Variants in TENM3 observed in about 807,000 individuals in gnomAD.
TENM3 encodes the protein teneurin-3.
In TENM3, 63 loss-of-function variants were observed where a neutral mutation model predicts 255.1. The ratio of observed to expected loss-of-function variants is 0.25; its 90% CI spans 0.20 to 0.30. The LOEUF (loss-of-function observed/expected upper bound fraction) is 0.30, where lower values mean the gene tolerates loss of function less well. TENM3 is among the 10% of genes least tolerant of loss of function. The probability of loss-of-function intolerance (pLI) is 1.00; values close to 1 mark genes in which losing one functional copy is unlikely to be tolerated. For synonymous variants in TENM3, 1,306 were observed against 1,322.3 expected, an observed-to-expected ratio of 0.99 and a Z score of 0.27; for missense variants, 2,929 against 3,461.1, an observed-to-expected ratio of 0.85 and a Z score of 3.86.
intron 1 of TENM3, among the ~76,000 whole-genome samples, chr4:182,232,248 C>A (rs536065553): frequency 6.6e-6 from 1 of 152,150 alleles, no homozygotes; most frequent in African/African-American, 2.4e-5. Context: ...ACTTGGCCAC[C>A]GTGTTGGTCC....
intron 3 of TENM3, among the ~76,000 whole-genome samples, chr4:182,388,019 A>G (rs923463420): frequency 3.7e-4 from 56 of 152,060 alleles, no homozygotes; most frequent in African/African-American, 1.1e-3. Context: ...TGGTTAAGCA[A>G]ACGTGTAAGC....
chr4:182,256,025 G>T (rs771023419), intron 1 of TENM3, among the ~76,000 whole-genome samples: 24 of 152,066 alleles, frequency 1.6e-4, no homozygotes, highest in Non-Finnish European at 3.1e-4. Context: ...CCCATTAAGG[G>T]CGTATTGCAC....
the TENM3 span, among the ~76,000 whole-genome samples, chr4:181,553,296 TGTA>T: frequency 6.3e-3 from 768 of 122,068 alleles, 11 homozygotes; most frequent in African/African-American, 0.021. Context: ...TGTGTGTGTG[TGTA>T]GTGTGTGTGT....
intron 1 of TENM3, among the ~76,000 whole-genome samples, chr4:182,282,695 C>T (rs1243689812): frequency 6.6e-6 from 1 of 151,948 alleles, no homozygotes; most frequent in African/African-American, 2.4e-5. Context: ...GAGTTTGAGA[C>T]CAGCCTAGCT....
the TENM3 span, among the ~76,000 whole-genome samples, chr4:181,958,250 G>T: frequency 6.6e-6 from 1 of 152,154 alleles, no homozygotes; most frequent in Non-Finnish European, 1.5e-5. Context: ...TTGCAGGGGT[G>T]ATTAAGTACC....
At chr4:182,346,991 T>G in intron 3 of TENM3, 62 bp downstream of exon 3, 75 of 713,322 alleles carry the variant, frequency 1.1e-4, no homozygotes, top group Middle Eastern at 3.9e-4. Flanking sequence ...TTTGGTTGAC[T>G]CCGCGGGGGG....
At chr4:181,520,583 C>A in the TENM3 span, among the ~76,000 whole-genome samples, 1 of 151,958 alleles carries the variant, frequency 6.6e-6, no homozygotes. Context: ...AAGGAAATAA[C>A]CACGAAAACC....
chr4:182,561,989 T>TAGATAGATA (rs1560926631), intron 3 of TENM3, among the ~76,000 whole-genome samples: 1 of 96,300 alleles, frequency 1.0e-5, no homozygotes, highest in Non-Finnish European at 2.6e-5. Flanking sequence ...GATAGACAGA[T>TAGATAGATA]AGATAGATAG....
the TENM3 span, among the ~76,000 whole-genome samples, chr4:181,500,029 A>T: frequency 2.7e-5 from 4 of 150,802 alleles, no homozygotes; most frequent in Non-Finnish European, 5.9e-5. Context: ...TGATGAAACA[A>T]AATCCACTTT....
At chr4:182,758,463 A>G (rs1453973037) in intron 22 of TENM3, among the ~76,000 whole-genome samples, 1 of 152,024 alleles carries the variant, frequency 6.6e-6, no homozygotes, top group African/African-American at 2.4e-5. Context: ...CCCTGTCGCT[A>G]CTCATCAGAG....
chr4:182,429,726 C>A (rs1422213328), intron 3 of TENM3, among the ~76,000 whole-genome samples: 2 of 152,102 alleles, frequency 1.3e-5, no homozygotes, highest in African/African-American at 4.8e-5. Context: ...CATGGTAATT[C>A]AAAATTGCCA....
In TENM3 at chr4:182,570,624, C is replaced by T. The variant is rs569411343; in HGVS notation, c.512-30300C>T. On this transcript the variant is annotated intron_variant, in intron 3 of 27. Transcript: ENST00000511685. ...CAACACTTTGGGAGGCCAAGGCAGG[C>T]GGATCACGAGGTCAGGAGATCAAGA... Among the ~76,000 whole-genome samples the T allele has an allele frequency of 1.6e-3, 248 of 152,156 alleles. 2 individuals carry two copies. The highest frequency in any genetic ancestry group is 2.8e-3 in the Non-Finnish European group (189 of 67,984).
intron 3 of TENM3, among the ~76,000 whole-genome samples, chr4:182,419,331 C>T (rs1407401353): frequency 6.6e-6 from 1 of 152,158 alleles, no homozygotes; most frequent in Non-Finnish European, 1.5e-5. Flanking sequence ...TACCATCTCA[C>T]ACCAGTTCGA....
chr4:181,775,647 A>G, the TENM3 span, among the ~76,000 whole-genome samples: 9 of 152,232 alleles, frequency 5.9e-5, no homozygotes, highest in African/African-American at 1.9e-4. Flanking sequence ...ATTCTTCTCC[A>G]TAAGCAGATG....
the TENM3 span, among the ~76,000 whole-genome samples, chr4:181,696,556 T>C: frequency 6.6e-6 from 1 of 152,240 alleles, no homozygotes; most frequent in East Asian, 1.9e-4. Flanking sequence ...TCATATAGAC[T>C]ACTTTATTTG....
intron 1 of TENM3, among the ~76,000 whole-genome samples, chr4:182,306,516 G>A (rs1762142016): frequency 6.6e-6 from 1 of 152,118 alleles, no homozygotes; most frequent in Non-Finnish European, 1.5e-5. Flanking sequence ...ATTTCTTAAG[G>A]AGAGTTTATA....
chr4:182,786,376 G>A (rs1335467529), intron 24 of TENM3, among the ~76,000 whole-genome samples: 2 of 152,022 alleles, frequency 1.3e-5, no homozygotes, highest in Non-Finnish European at 2.9e-5. Flanking sequence ...GGCCAACATG[G>A]TGAGACCCCC....
At chr4:182,327,426 T>C (rs905745623) in intron 2 of TENM3, among the ~76,000 whole-genome samples, 16 of 152,184 alleles carry the variant, frequency 1.1e-4, no homozygotes, top group Non-Finnish European at 2.2e-4. Context: ...AGGGTTTCCG[T>C]TGGTGCGATT....
At chr4:181,535,520 G>T in the TENM3 span, among the ~76,000 whole-genome samples, 1 of 152,138 alleles carries the variant, frequency 6.6e-6, no homozygotes, top group Non-Finnish European at 1.5e-5. Context: ...CTGTGATAAT[G>T]GAAGATAGGT....
Sources: gnomAD v4.1 joint callset for allele counts (sites outside exome capture counted in the v4.1 genomes callset) on GRCh38, gnomAD v4.1.1 for gene constraint, MANE v1.5 for transcripts, NCBI Gene and HGNC (gene_info 2026-07-23, HGNC 2026-07-21) for gene names.